CHSY1: variants seen among roughly 807,000 people sequenced by gnomAD.
CHSY1 encodes N-acetylgalactosaminyl-proteoglycan 3-beta-glucuronosyltransferase 1.
A neutral mutation model predicts 59.8 loss-of-function variants in CHSY1; 13 were observed. The ratio of observed to expected loss-of-function variants is 0.22; its 90% CI spans 0.14 to 0.35. The LOEUF (loss-of-function observed/expected upper bound fraction) is 0.35, where lower values mean the gene tolerates loss of function less well. Ranked by LOEUF, CHSY1 falls within the 10% of genes least tolerant of loss-of-function variation. The pLI is 1.00. For missense variants in CHSY1, 947 were observed against 1,030.6 expected (o/e 0.92, Z 1.11); for synonymous variants, 459 against 401.2 (o/e 1.14, Z -1.72).
At chr15:101,187,130 T>C (rs1383644580) in intron 2 of CHSY1, among the ~76,000 whole-genome samples, 2 of 152,218 alleles carry the variant, frequency 1.3e-5, no homozygotes, top group Non-Finnish European at 2.9e-5. Context: ...AAATACGAGA[T>C]TCTTAACAGT....
chr15:101,178,320 A>G lies in CHSY1; in HGVS notation c.1477T>C (p.Leu493=). 6.2e-7 allele frequency: 1 copy of G among 1,607,994 alleles called. No individual in the cohort carries two copies. The highest frequency in any genetic ancestry group is 8.5e-7 in the Non-Finnish European group (1 of 1,175,132). The change falls in exon 3 of 3, where the codon TTG becomes CTG. Residue 493 remains leucine (L), a synonymous_variant. Coordinates refer to ENST00000254190, the MANE Select transcript of CHSY1 (RefSeq NM_014918.5). ...VEHEELDAQE[L]AKRINQESGS... is the part of the protein sequence containing the mutation. ...GATTCCTGATTGATTCTCTTGGCCA[A>G]CTCTTGTGCATCCAGCTCCTCATGC...
chr15:101,249,824 C>A (rs2039089162), intron 1 of CHSY1, among the ~76,000 whole-genome samples: 1 of 152,198 alleles, frequency 6.6e-6, no homozygotes, highest in African/African-American at 2.4e-5. Context: ...CTGCATTAGT[C>A]TGTATTTACA....
intron 2 of CHSY1, among the ~76,000 whole-genome samples, chr15:101,225,184 T>TCA (rs1226907925): frequency 6.6e-6 from 1 of 151,396 alleles, no homozygotes; most frequent in African/African-American, 2.4e-5. Context: ...TCTTCCCACC[T>TCA]CACCTCCAAA....
At chr15:101,247,032 A>C (rs1456453243) in intron 1 of CHSY1, among the ~76,000 whole-genome samples, 1 of 152,240 alleles carries the variant, frequency 6.6e-6, no homozygotes, top group Admixed American at 6.5e-5. Context: ...ACACACTTGC[A>C]GATGAGTCAA....
intron 2 of CHSY1, among the ~76,000 whole-genome samples, chr15:101,196,438 G>T (rs1370991420): frequency 6.6e-6 from 1 of 152,002 alleles, no homozygotes; most frequent in Non-Finnish European, 1.5e-5. Context: ...CATGTTTACT[G>T]GCAGAAACCA....
At chr15:101,224,036 G>A (rs2038815224) in intron 2 of CHSY1, among the ~76,000 whole-genome samples, 1 of 152,238 alleles carries the variant, frequency 6.6e-6, no homozygotes, top group African/African-American at 2.4e-5. Context: ...TTGTCTTACA[G>A]TTGCCTACAG....
At chr15:101,181,585 C>T (rs1029153377) in intron 2 of CHSY1, among the ~76,000 whole-genome samples, 1 of 152,220 alleles carries the variant, frequency 6.6e-6, no homozygotes, top group Non-Finnish European at 1.5e-5. Context: ...TCCGACCCTT[C>T]TCTCTCCAGC....
At chr15:101,190,544 C>T (rs1002793824) in intron 2 of CHSY1, among the ~76,000 whole-genome samples, 5 of 152,140 alleles carry the variant, frequency 3.3e-5, no homozygotes, top group African/African-American at 1.2e-4. Flanking sequence ...TCTAGACAAC[C>T]TTGGGTTTGG....
intron 1 of CHSY1, among the ~76,000 whole-genome samples, chr15:101,249,942 C>T (rs1214944831): frequency 6.6e-6 from 1 of 152,210 alleles, no homozygotes; most frequent in African/African-American, 2.4e-5. Flanking sequence ...GGGGATCAAG[C>T]CATTCAAGGG....
At chr15:101,189,193 G>C (rs1363698495) in intron 2 of CHSY1, among the ~76,000 whole-genome samples, 1 of 152,228 alleles carries the variant, frequency 6.6e-6, no homozygotes, top group Non-Finnish European at 1.5e-5. Context: ...CCACGAAGCG[G>C]CCACCAGGCT....
intron 2 of CHSY1, among the ~76,000 whole-genome samples, chr15:101,193,285 G>T (rs329291): frequency 0.046 from 7,041 of 152,348 alleles, 271 homozygotes; most frequent in Non-Finnish European, 0.07. Flanking sequence ...GGAGACAGCA[G>T]CGAGGGCAGG....
chr15:101,188,500 G>C (rs985775888), intron 2 of CHSY1, among the ~76,000 whole-genome samples: 4 of 151,922 alleles, frequency 2.6e-5, no homozygotes, highest in Non-Finnish European at 5.9e-5. Context: ...GTTTTGTGTA[G>C]GCTTTGCCAA....
Position 101,178,064 on chromosome 15 carries a change from G to A in CHSY1, c.1733C>T (p.Pro578Leu). 6.2e-7 allele frequency: 1 copy of A among 1,614,192 alleles called. No homozygotes were observed. The highest frequency in any genetic ancestry group is 8.5e-7 in the Non-Finnish European group (1 of 1,180,032). The change falls in exon 3 of 3, where the codon CCT becomes CTT. Residue 578 changes from proline (P) to leucine (L), a missense_variant. Pro to Leu is a moderately conservative substitution (Grantham distance 98). Around this residue, in one of 4 missense-constraint regions of CHSY1, gnomAD observed 602 missense variants for 676.9 expected, o/e 0.89. Transcript: ENST00000254190. ...CAGTTCAACTTGTTTGGCCTTGTCA[G>A]GGTTGGAGTCAGAATTGAAAAGCAG... ...VVLLFNSDSN[P>L]DKAKQVELMR... is the part of the protein sequence containing the mutation.
chr15:101,239,911 G>C (rs953379525), intron 1 of CHSY1, among the ~76,000 whole-genome samples: 63 of 152,188 alleles, frequency 4.1e-4, no homozygotes, highest in African/African-American at 1.5e-3. Context: ...AGAACACAGT[G>C]AAAGAGGCCC....
intron 1 of CHSY1, among the ~76,000 whole-genome samples, chr15:101,237,816 G>A (rs1185757028): frequency 6.6e-6 from 1 of 152,160 alleles, no homozygotes; most frequent in Non-Finnish European, 1.5e-5. Flanking sequence ...GTATCGTGGA[G>A]AATAAATAAA....
At chr15:101,224,690 G>A (rs1236663544) in intron 2 of CHSY1, among the ~76,000 whole-genome samples, 1 of 152,102 alleles carries the variant, frequency 6.6e-6, no homozygotes, top group Non-Finnish European at 1.5e-5. Context: ...AAGACCCACA[G>A]GCAATGCTAA....
At chr15:101,245,837 A>G (rs2039045512) in intron 1 of CHSY1, among the ~76,000 whole-genome samples, 1 of 152,230 alleles carries the variant, frequency 6.6e-6, no homozygotes, top group Admixed American at 6.5e-5. Context: ...CCAAAAGTTC[A>G]CTTACAGGTT....
At chr15:101,200,222 T>C (rs1282428933) in intron 2 of CHSY1, among the ~76,000 whole-genome samples, 1 of 152,204 alleles carries the variant, frequency 6.6e-6, no homozygotes, top group East Asian at 1.9e-4. Context: ...AGAATAACTT[T>C]TTTGATTTTC....
intron 2 of CHSY1, among the ~76,000 whole-genome samples, chr15:101,225,595 A>C (rs1042383970): frequency 6.6e-6 from 1 of 152,070 alleles, no homozygotes; most frequent in Non-Finnish European, 1.5e-5. Context: ...TTGTTTAAAC[A>C]TGTGTACCAC....
Sources: gnomAD v4.1 joint callset for allele counts (sites outside exome capture counted in the v4.1 genomes callset) on GRCh38, gnomAD v4.1.1 for gene constraint, gnomAD v4.1.1 regional missense constraint, MANE v1.5 for transcripts, NCBI Gene and HGNC (gene_info 2026-07-23, HGNC 2026-07-21) for gene names.